The following HSD17B1 variants were observed in gnomAD, a reference collection of about 807,000 sequenced individuals.
The protein encoded by HSD17B1 is 17-beta-hydroxysteroid dehydrogenase type 1.
Under a neutral mutation model 22.7 loss-of-function variants are expected in HSD17B1, and 16 were observed. That is an observed-to-expected ratio of 0.71 (90% confidence interval 0.48 to 1.07). HSD17B1 has a LOEUF of 1.07. HSD17B1 is among the 50% of genes least tolerant of loss of function. The probability of loss-of-function intolerance (pLI) is 0.00; values close to 1 mark genes in which losing one functional copy is unlikely to be tolerated. For synonymous variants in HSD17B1, 243 were observed against 211.0 expected, an observed-to-expected ratio of 1.15 and a Z score of -1.31; for missense variants, 533 against 459.9, an observed-to-expected ratio of 1.16 and a Z score of -1.45.
Position 42,554,470 on chromosome 17 carries a change from AG to A in HSD17B1, c.607del (p.Glu203ArgfsTer153), listed in dbSNP as rs2092955815. 1.9e-6 allele frequency: 3 copies of A among 1,613,554 alleles called. 1 individual carries two copies. The Admixed American group carries it at 5.0e-5, about 27-fold the overall frequency. ...AFMEKVLGSP[E>X]EVLDRTDIHT... Reference sequence around the variant, plus strand: ...ATGGAGAAGGTGTTGGGCAGCCCAGAGGAGGTGCTGGACCGCACGGACATCC... The same window carrying A: ...ATGGAGAAGGTGTTGGGCAGCCCAGAGAGGTGCTGGACCGCACGGACATCC... On this transcript the variant is annotated frameshift_variant, in exon 5 of 6. Coordinates refer to ENST00000585807, the MANE Select transcript of HSD17B1 (RefSeq NM_000413.4). LOFTEE classifies it high-confidence loss of function.
chr17:42,555,117 G>T lies in HSD17B1; in HGVS notation c.*179G>T, dbSNP rs1567899594. ...CTGTAATGCCAGCGCTTTGGGAGGC[G>T]GAGGCAGGAGGATCGCTCAAGCCCC... On this transcript the variant is annotated 3_prime_UTR_variant, in exon 6 of 6. Coordinates refer to ENST00000585807, the MANE Select transcript of HSD17B1 (RefSeq NM_000413.4). 3.7e-5 allele frequency: 47 copies of T among 1,277,670 alleles called. No individual in the cohort carries two copies. The highest frequency in any genetic ancestry group is 1.9e-4 in the South Asian group (10 of 52,604). The allele number at this position is 1,277,670 out of a possible 1,614,324, so 79.1% of individuals were successfully genotyped here.
In HSD17B1 at chr17:42,554,923, G is replaced by A. The variant is rs747142186; in HGVS notation, c.972G>A (p.Pro324=). Reference sequence around the variant, plus strand: ...GGGACCCTGAGCTCGGCGATCCTCCGGCCGCCCCGCAGTAAAGGCTTCCTC... The same window carrying A: ...GGGACCCTGAGCTCGGCGATCCTCCAGCCGCCCCGCAGTAAAGGCTTCCTC... ...AVGDPELGDP[P]AAPQ is the part of the protein sequence containing the mutation. Residue 324 remains proline, a synonymous_variant, in exon 6 of 6, where the codon CCG becomes CCA. Coordinates refer to ENST00000585807, the MANE Select transcript of HSD17B1 (RefSeq NM_000413.4). 71 of 1,475,272 alleles carry A rather than the reference G, an allele frequency of 4.8e-5. No individual in the cohort carries two copies. The highest frequency in any genetic ancestry group is 6.1e-5 in the Non-Finnish European group (68 of 1,121,904). 91.4% of individuals were successfully genotyped at this position (1,475,272 alleles called of 1,614,324 possible).
At position 42,553,456 on chromosome 17, in the gene HSD17B1, G is replaced by A; in HGVS notation, c.283G>A (p.Gly95Ser). The A allele has an allele frequency of 1.9e-6, 3 of 1,613,172 alleles. No homozygotes were observed. The change falls in exon 3 of 6, where the codon GGC becomes AGC. Residue 95 changes from glycine to serine, a missense_variant. Transcript: ENST00000585807. ...VDVLVCNAGL[G>S]LLGPLEALGE... ...CTCCGCAGTGTGTAACGCAGGCCTG[G>A]GCCTGCTGGGGCCGCTGGAGGCGCT...
At chr17:42,554,372 G>T in intron 4 of HSD17B1, 33 bp from the exon 5 acceptor site, 4 of 1,564,594 alleles carry the variant, frequency 2.6e-6, no homozygotes, top group Non-Finnish European at 3.5e-6. Flanking sequence ...GCTGGCGTCC[G>T]CCCCCTCCCA....
At position 42,555,105 on chromosome 17, in the gene HSD17B1, G is replaced by A. The variant is rs1242403071; in HGVS notation, c.*167G>A. ...GATGGCTGTCGCCTGTAATGCCAGC[G>A]CTTTGGGAGGCGGAGGCAGGAGGAT... is the stretch of plus-strand genomic sequence containing the variant. On this transcript the variant is annotated 3_prime_UTR_variant, in exon 6 of 6. Transcript: ENST00000585807. 1.4e-5 allele frequency: 19 copies of A among 1,330,720 alleles called. No individual in the cohort carries two copies. Among genetic ancestry groups the A allele is most frequent in the South Asian group, 1.1e-4 (6 of 53,616 alleles). The allele number at this position is 1,330,720 out of a possible 1,614,324, so 82.4% of individuals were successfully genotyped here. A position where few individuals can be genotyped will look rare whatever the true frequency, so the allele number is the denominator to read the frequency against.
At chr17:42,553,348 C>G (rs2143144503) in intron 2 of HSD17B1, 57 bp downstream of exon 2, 1 of 1,603,410 alleles carries the variant, frequency 6.2e-7, no homozygotes, top group Non-Finnish European at 8.5e-7. Flanking sequence ...TGCGTTGAAA[C>G]CAACATGTTC....
Position 42,554,478 on chromosome 17 carries a change from C to T in HSD17B1, c.613C>T (p.Leu205=). ...GGTGTTGGGCAGCCCAGAGGAGGTG[C>T]TGGACCGCACGGACATCCACACCTT... ...EKVLGSPEEV[L]DRTDIHTFHR... Residue 205 remains leucine, a synonymous_variant, in exon 5 of 6, where the codon CTG becomes TTG. Transcript: ENST00000585807. 1 of 1,613,758 alleles carries T rather than the reference C, an allele frequency of 6.2e-7. No homozygotes were observed. Among genetic ancestry groups the T allele is most frequent in the Non-Finnish European group, 8.5e-7 (1 of 1,179,836 alleles).
At chr17:42,553,916 C>G in intron 4 of HSD17B1, 29 bp downstream of exon 4, 1 of 1,580,686 alleles carries the variant, frequency 6.3e-7, no homozygotes, top group South Asian at 1.1e-5. Context: ...TCCCCGAACC[C>G]TCTTAACTCT....
intron 3 of HSD17B1, 75 bp downstream of exon 3, chr17:42,553,693 G>A: frequency 1.9e-6 from 3 of 1,576,072 alleles, no homozygotes; most frequent in South Asian, 2.2e-5. Flanking sequence ...CAGGTTCCGC[G>A]GGGGGGGTGG....
intron 4 of HSD17B1, 92 bp from the exon 5 acceptor site, chr17:42,554,313 G>C (rs2092955015): frequency 2.8e-6 from 4 of 1,452,490 alleles, no homozygotes; most frequent in African/African-American, 1.4e-5. Flanking sequence ...GTCGGGGGCC[G>C]GGACGTGGTT....
Position 42,554,978 on chromosome 17 carries a change from C to G in HSD17B1, c.*40C>G. The G allele has an allele frequency of 7.0e-7, 1 of 1,438,610 alleles. No individual in the cohort carries two copies. Among genetic ancestry groups the G allele is most frequent in the East Asian group, 2.6e-5 (1 of 38,822 alleles). 89.1% of individuals were successfully genotyped at this position (1,438,610 alleles called of 1,614,324 possible). ...GCTGTCTCCCGCGCCCTTCTTTGTC[C>G]CCTGGGTCTGTGTGGTCCCTGGGGA... On this transcript the variant is annotated 3_prime_UTR_variant, in exon 6 of 6. Coordinates refer to ENST00000585807, the MANE Select transcript of HSD17B1 (RefSeq NM_000413.4).
In HSD17B1 at chr17:42,553,223, A is replaced by T; in HGVS notation, c.197A>T (p.Asp66Val). 1.2e-6 allele frequency: 2 copies of T among 1,613,626 alleles called. No homozygotes were observed. The highest frequency in any genetic ancestry group is 1.7e-6 in the Non-Finnish European group (2 of 1,180,016). ...PPGSLETLQL[D>V]VRDSKSVAAA... ...GGATCCCTGGAGACGTTGCAGCTGG[A>T]CGTAAGGGACTCAAAATCCGTGGCC... The change falls in exon 2 of 6, where the codon GAC (aspartate) becomes GTC (valine). Residue 66 changes from aspartate to valine, a missense_variant. Asp to Val is a radical substitution (Grantham distance 152). Transcript: ENST00000585807.
rs750579254 is a variant in HSD17B1, at chr17:42,553,491, C to T, written c.318C>T (p.Asp106=). 6 of 1,613,760 alleles carry T rather than the reference C, an allele frequency of 3.7e-6. No individual in the cohort carries two copies. The highest frequency in any genetic ancestry group is 2.2e-5 in the East Asian group (1 of 44,882). The change falls in exon 3 of 6, where the codon GAC becomes GAT. Residue 106 remains aspartate, a synonymous_variant. Transcript: ENST00000585807. ...LLGPLEALGE[D]AVASVLDVNV... is the part of the protein sequence containing the mutation. The stretch of plus-strand genomic sequence containing the variant: ...GGCCGCTGGAGGCGCTGGGGGAGGA[C>T]GCCGTGGCCTCTGTGCTGGACGTGA...
At position 42,554,766 on chromosome 17, in the gene HSD17B1, G is replaced by T; in HGVS notation, c.815G>T (p.Ser272Ile). Residue 272 changes from serine (S) to isoleucine (I), a missense_variant, in exon 6 of 6, where the codon AGC becomes ATC. Coordinates refer to ENST00000585807, the MANE Select transcript of HSD17B1 (RefSeq NM_000413.4). ...CTGCGGATGCGCCTGGACGACCCCA[G>T]CGGCTCCAACTACGTCACCGCCATG... Reference protein sequence around the residue: ...PLLRMRLDDPSGSNYVTAMHR... With the variant: ...PLLRMRLDDPIGSNYVTAMHR... The T allele has an allele frequency of 6.2e-7, 1 of 1,603,718 alleles. No individual in the cohort carries two copies. The highest frequency in any genetic ancestry group is 8.5e-7 in the Non-Finnish European group (1 of 1,179,724).
Position 42,553,315 on chromosome 17 carries a change from G to GC in HSD17B1, c.265+25dup, listed in dbSNP as rs373102070. 419 of 1,604,196 alleles carry GC rather than the reference G, an allele frequency of 2.6e-4. 2 individuals are homozygous for GC. In the African/African-American group the frequency reaches 5.0e-3, roughly 19 times the overall value. ...GGGTGAGCCTCCTGGAAGCATATGGGCTCCTAGGAGCCTTCTCCGCCCTGC... is the reference window on the plus strand; with the variant it reads ...GGGTGAGCCTCCTGGAAGCATATGGGCCTCCTAGGAGCCTTCTCCGCCCTGC... On this transcript the variant is annotated intron_variant, in intron 2 of 5. Transcript: ENST00000585807.
rs770410382 is a variant in HSD17B1 at position 42,553,316 on chromosome 17, C to T, written c.265+25C>T. On this transcript the variant is annotated intron_variant, in intron 2 of 5. Transcript: ENST00000585807. ...GGTGAGCCTCCTGGAAGCATATGGG[C>T]TCCTAGGAGCCTTCTCCGCCCTGCG... 8.1e-6 allele frequency: 13 copies of T among 1,603,570 alleles called. No homozygotes were observed. In the East Asian group the frequency reaches 2.2e-4, roughly 27 times the overall value.
In HSD17B1 at chr17:42,553,183, C is replaced by G. The variant is rs751065351; in HGVS notation, c.157C>G (p.Leu53Val). The G allele has an allele frequency of 6.2e-7, 1 of 1,613,766 alleles. No homozygotes were observed. Among genetic ancestry groups the G allele is most frequent in the South Asian group, 1.1e-5 (1 of 91,086 alleles). The part of the protein sequence containing the change: ...QGRLWEAARA[L>V]ACPPGSLETL... The stretch of plus-strand genomic sequence containing the variant: ...CCGGCTGTGGGAGGCGGCCCGGGCC[C>G]TGGCATGCCCTCCGGGATCCCTGGA... The change falls in exon 2 of 6, where the codon CTG (leucine) becomes GTG (valine). Residue 53 changes from leucine (L) to valine (V), a missense_variant. Coordinates refer to ENST00000585807, the MANE Select transcript of HSD17B1 (RefSeq NM_000413.4).
Position 42,554,446 on chromosome 17 carries a change from TGGA to T in HSD17B1, c.583_585del (p.Glu195del). 6.2e-7 allele frequency: 1 copy of T among 1,613,090 alleles called. No individual in the cohort carries two copies. The highest frequency in any genetic ancestry group is 1.1e-5 in the South Asian group (1 of 90,878). On this transcript the variant is annotated inframe_deletion, in exon 5 of 6. Coordinates refer to ENST00000585807, the MANE Select transcript of HSD17B1 (RefSeq NM_000413.4). Reference sequence around the variant, plus strand: ...TGCGGCCCAGTGCACACCGCCTTCATGGAGAAGGTGTTGGGCAGCCCAGAGGAG... The same window carrying T: ...TGCGGCCCAGTGCACACCGCCTTCATGAAGGTGTTGGGCAGCCCAGAGGAG...
At chr17:42,554,295 T>C (rs1451782041) in intron 4 of HSD17B1, 110 bp from the exon 5 acceptor site, 2 of 1,399,190 alleles carry the variant, frequency 1.4e-6, no homozygotes, top group African/African-American at 2.9e-5. Flanking sequence ...GCAGCGGTGC[T>C]GCTCGCGGTC....
Sources: gnomAD v4.1 joint callset for allele counts on GRCh38, gnomAD v4.1.1 for gene constraint, MANE v1.5 for transcripts, NCBI Gene and HGNC (gene_info 2026-07-23, HGNC 2026-07-21) for gene names.